Variants in SLC17A1 observed in about 807,000 individuals in gnomAD.
SLC17A1 encodes the protein solute carrier family 17 member 1, also known as sodium-dependent phosphate transport protein 1.
SLC17A1 carries 51 observed loss-of-function variants against 53.5 expected under a neutral mutation model. The observed-to-expected ratio is 0.95, with a 90% CI of 0.76 to 1.20. The LOEUF is 1.20. Among genes scored for constraint, SLC17A1 ranks in the 50% most tolerant of loss-of-function variants. The pLI, the probability that SLC17A1 is intolerant of heterozygous loss-of-function variation, is 0.00. For synonymous variants in SLC17A1, 179 were observed against 198.8 expected (o/e 0.90, Z 0.84); for missense variants, 538 against 568.2 (o/e 0.95, Z 0.54).
At chr6:25,730,701 T>G in the SLC17A1 span, among the ~76,000 whole-genome samples, 6 of 152,368 alleles carry the variant, frequency 3.9e-5, no homozygotes, top group East Asian at 1.2e-3. Context: ...CCGCGATGTA[T>G]ACATATTTCA....
Position 25,802,935 on chromosome 6 carries a change from C to CTTTTTTTTT in SLC17A1, c.1179-1964_1179-1956dup, listed in dbSNP as rs34669145. On this transcript the variant is annotated intron_variant, in intron 10 of 12. Transcript: ENST00000244527. ...ATGACGTTTTAACGACTATCTTCTT[C>CTTTTTTTTT]TTTTTTTTTTTTTTTTTTTTTTTTT... is the stretch of plus-strand genomic sequence containing the variant. 1.4e-3 allele frequency among the ~76,000 whole-genome samples: 65 copies of CTTTTTTTTT among 46,100 alleles called. 11 individuals carry two copies. Among genetic ancestry groups the CTTTTTTTTT allele is most frequent in the African/African-American group, 4.1e-3 (46 of 11,106 alleles). 30.2% of individuals were successfully genotyped at this position (46,100 alleles called of 152,430 possible).
the SLC17A1 span, among the ~76,000 whole-genome samples, chr6:25,764,680 G>A: frequency 6.6e-6 from 1 of 152,172 alleles, no homozygotes; most frequent in African/African-American, 2.4e-5. Context: ...GAGTGGCAGT[G>A]TCCAGAAGCT....
intron 12 of SLC17A1, among the ~76,000 whole-genome samples, chr6:25,784,374 A>G (rs1763333933): frequency 6.6e-6 from 1 of 152,214 alleles, no homozygotes; most frequent in Non-Finnish European, 1.5e-5. Flanking sequence ...TACAAGAAGC[A>G]TGATGCCAGC....
chr6:25,726,782 T>A, the SLC17A1 span: 1 of 1,266,818 alleles, frequency 7.9e-7, no homozygotes, highest in South Asian at 1.5e-5. Context: ...GTTCTGTTTG[T>A]TTACTTGGCG....
the SLC17A1 span, among the ~76,000 whole-genome samples, chr6:25,758,419 AT>A: frequency 6.6e-6 from 1 of 152,218 alleles, no homozygotes; most frequent in Non-Finnish European, 1.5e-5. Context: ...GTTGTAACAC[AT>A]GTAAACACCA....
At chr6:25,774,402 A>C in the SLC17A1 span, among the ~76,000 whole-genome samples, 4 of 152,328 alleles carry the variant, frequency 2.6e-5, no homozygotes, top group African/African-American at 9.6e-5. Context: ...CTCAGGAAGA[A>C]GCCTTCTCGT....
intron 6 of SLC17A1, among the ~76,000 whole-genome samples, chr6:25,814,453 G>C (rs1354027120): frequency 6.6e-6 from 1 of 152,064 alleles, no homozygotes; most frequent in Non-Finnish European, 1.5e-5. Context: ...ATTATTTGTG[G>C]GACACAAATG....
the SLC17A1 span, among the ~76,000 whole-genome samples, chr6:25,738,634 A>G: frequency 1.3e-5 from 2 of 152,206 alleles, no homozygotes; most frequent in Admixed American, 6.5e-5. Context: ...CAAACCATAT[A>G]TATGGTAAAA....
the SLC17A1 span, chr6:25,726,016 G>T: frequency 1.1e-6 from 1 of 914,294 alleles, no homozygotes; most frequent in Non-Finnish European, 1.6e-6. Flanking sequence ...AAGATGGCTG[G>T]TTAACAGCAG....
intron 1 of SLC17A1, among the ~76,000 whole-genome samples, chr6:25,831,238 C>T (rs1764936088): frequency 6.6e-6 from 1 of 152,136 alleles, no homozygotes; most frequent in South Asian, 2.1e-4. Flanking sequence ...GGAGCAGTCT[C>T]CTATCAGGCA....
At chr6:25,790,620 C>A (rs1763480917) in intron 12 of SLC17A1, among the ~76,000 whole-genome samples, 1 of 152,058 alleles carries the variant, frequency 6.6e-6, no homozygotes, top group African/African-American at 2.4e-5. Context: ...AATATGCAAT[C>A]ATCTGAATAG....
intron 6 of SLC17A1, among the ~76,000 whole-genome samples, chr6:25,815,971 A>G (rs1273079193): frequency 2.0e-5 from 3 of 151,788 alleles, no homozygotes; most frequent in Admixed American, 1.3e-4. Context: ...GTTAAAAGCA[A>G]GAAATTTTGT....
At chr6:25,724,044 A>C in the SLC17A1 span, among the ~76,000 whole-genome samples, 4 of 152,266 alleles carry the variant, frequency 2.6e-5, no homozygotes, top group Admixed American at 2.0e-4. Context: ...ACATAATAAA[A>C]GAAACCCTTC....
the SLC17A1 span, chr6:25,732,215 A>C: frequency 1.5e-4 from 53 of 345,500 alleles, no homozygotes; most frequent in African/African-American, 1.1e-3. Context: ...GACTGGAGTG[A>C]AGCGTGATAT....
chr6:25,727,064 G>A, the SLC17A1 span: 83 of 1,614,064 alleles, frequency 5.1e-5, no homozygotes, highest in African/African-American at 1.1e-4. Flanking sequence ...AGGTCCATCC[G>A]GACACTGGCA....
chr6:25,806,362 A>G (rs1054662567), intron 10 of SLC17A1, among the ~76,000 whole-genome samples: 1 of 152,090 alleles, frequency 6.6e-6, no homozygotes, highest in African/African-American at 2.4e-5. Context: ...CAAATTAAGC[A>G]TAGAAGGGAC....
rs1291979230 is a variant in SLC17A1, at chr6:25,819,067, C to T, written c.616+1G>A. ...CTAGGATTTTACAGAAAGAGACTCA[C>T]CAAAAATATAGAAGACCATGGGCCA... is the stretch of plus-strand genomic sequence containing the variant. On this transcript the variant is annotated splice_donor_variant, in intron 6 of 12. Coordinates refer to ENST00000244527, the MANE Select transcript of SLC17A1 (RefSeq NM_005074.5). LOFTEE classifies it high-confidence loss of function. The T allele has an allele frequency of 1.3e-6, 2 of 1,587,410 alleles. No homozygotes were observed. Among genetic ancestry groups the T allele is most frequent in the African/African-American group, 1.4e-5 (1 of 73,332 alleles).
At chr6:25,813,243 A>C (rs757066651) in intron 6 of SLC17A1, 30 bp from the exon 7 acceptor site, 2 of 1,566,566 alleles carry the variant, frequency 1.3e-6, no homozygotes. Context: ...TAGAATTGGA[A>C]GTCTCTGTTT....
chr6:25,796,322 C>T (rs999317414), intron 12 of SLC17A1, among the ~76,000 whole-genome samples: 2 of 152,060 alleles, frequency 1.3e-5, no homozygotes, highest in African/African-American at 4.8e-5. Flanking sequence ...TCTAAATCAA[C>T]AATCTTGAGT....
Sources: allele counts gnomAD v4.1 joint callset (sites outside exome capture counted in the v4.1 genomes callset), GRCh38; gene constraint gnomAD v4.1.1; transcripts MANE v1.5; gene names NCBI Gene and HGNC (gene_info 2026-07-23, HGNC 2026-07-21).